Variants in GALNTL6 observed in about 807,000 individuals in gnomAD.
The protein encoded by GALNTL6 is polypeptide N-acetylgalactosaminyltransferase-like 6.
A neutral mutation model predicts 73.7 loss-of-function variants in GALNTL6; 46 were observed. That is an observed-to-expected ratio of 0.62 (90% CI 0.49 to 0.80). The LOEUF is 0.80. Among genes scored for constraint, GALNTL6 ranks in the 30% least tolerant of loss-of-function variants. The pLI, the probability that GALNTL6 is intolerant of heterozygous loss-of-function variation, is 0.00. For missense variants in GALNTL6, 604 were observed against 755.0 expected, an observed-to-expected ratio of 0.80 and a Z score of 2.34; for synonymous variants, 259 against 263.7, an observed-to-expected ratio of 0.98 and a Z score of 0.17.
chr4:172,361,027 C>T (rs1315096676), intron 5 of GALNTL6, among the ~76,000 whole-genome samples: 1 of 152,046 alleles, frequency 6.6e-6, no homozygotes, highest in Non-Finnish European at 1.5e-5. Context: ...AACATACCTC[C>T]TTAGTTTAAT....
intron 7 of GALNTL6, among the ~76,000 whole-genome samples, chr4:172,861,318 CATGTGTGTGTGTGTGTGT>C (rs2111136525): frequency 7.1e-6 from 1 of 140,884 alleles, no homozygotes; most frequent in South Asian, 2.3e-4. Context: ...TTTTTGCTTA[CATGTGTGTGTGTGTGTGT>C]GTGTGTGTGT....
At chr4:172,564,194 T>C (rs1736479783) in intron 5 of GALNTL6, among the ~76,000 whole-genome samples, 1 of 152,202 alleles carries the variant, frequency 6.6e-6, no homozygotes, top group African/African-American at 2.4e-5. Context: ...TGGTAATCTA[T>C]ACAAGTAATT....
intron 2 of GALNTL6, 134 bp downstream of exon 2, chr4:171,814,852 C>T (rs1028076686): frequency 3.7e-6 from 3 of 819,588 alleles, no homozygotes; most frequent in Non-Finnish European, 5.7e-6. Flanking sequence ...TTACAAGACT[C>T]TAGAGACTTT....
intron 5 of GALNTL6, among the ~76,000 whole-genome samples, chr4:172,371,684 CCT>C (rs907751459): frequency 2.0e-5 from 3 of 150,396 alleles, no homozygotes; most frequent in Admixed American, 6.6e-5. Flanking sequence ...TCTGTCTCTT[CCT>C]CTCTCTCTCT....
chr4:171,908,037 A>G (rs1578961219), intron 2 of GALNTL6, among the ~76,000 whole-genome samples: 2 of 152,110 alleles, frequency 1.3e-5, no homozygotes, highest in Admixed American at 6.6e-5. Context: ...AAAACCATAA[A>G]AACCCTAGAA....
At chr4:171,918,161 T>A (rs1280690932) in intron 2 of GALNTL6, among the ~76,000 whole-genome samples, 3 of 152,126 alleles carry the variant, frequency 2.0e-5, no homozygotes, top group African/African-American at 4.8e-5. Flanking sequence ...CTTGTTTCTT[T>A]AAGTTTCAAC....
chr4:172,870,424 G>A (rs1744866001), intron 7 of GALNTL6, among the ~76,000 whole-genome samples: 1 of 152,092 alleles, frequency 6.6e-6, no homozygotes, highest in Non-Finnish European at 1.5e-5. Flanking sequence ...TTTGTTACCG[G>A]TGAGTTTAAA....
rs200404299 is a variant in GALNTL6, at chr4:172,325,850, T to C, written c.386+14098T>C. Among the ~76,000 whole-genome samples the C allele has an allele frequency of 8.0e-4, 121 of 151,814 alleles. 2 individuals carry two copies. In the South Asian group the frequency reaches 0.016, roughly 20 times the overall value. Reference sequence around the variant, plus strand: ...CAAAGAAAGCAGAAAAGGGGAACTATTTGGGGGAATAAAAAAAGAAAACTA... The same window carrying C: ...CAAAGAAAGCAGAAAAGGGGAACTACTTGGGGGAATAAAAAAAGAAAACTA... On this transcript the variant is annotated intron_variant, in intron 4 of 12. Coordinates refer to ENST00000506823, the MANE Select transcript of GALNTL6 (RefSeq NM_001034845.3).
intron 5 of GALNTL6, among the ~76,000 whole-genome samples, chr4:172,638,411 C>T (rs1739795223): frequency 1.3e-5 from 2 of 152,178 alleles, no homozygotes; most frequent in South Asian, 2.1e-4. Flanking sequence ...TGGGGTGGGG[C>T]AGGGGAGCTA....
At chr4:172,033,915 C>G (rs1179916082) in intron 2 of GALNTL6, among the ~76,000 whole-genome samples, 1 of 152,080 alleles carries the variant, frequency 6.6e-6, no homozygotes, top group African/African-American at 2.4e-5. Flanking sequence ...TGTGTATATC[C>G]TAATAACACT....
chr4:172,202,152 A>G (rs1005600178), intron 2 of GALNTL6, among the ~76,000 whole-genome samples: 1 of 152,216 alleles, frequency 6.6e-6, no homozygotes, highest in African/African-American at 2.4e-5. Flanking sequence ...CTATACTCAC[A>G]GTTCCTCAAA....
chr4:173,021,648 C>A (rs770054586), intron 12 of GALNTL6, 23 bp downstream of exon 12: 57 of 1,610,256 alleles, frequency 3.5e-5, no homozygotes, highest in Non-Finnish European at 4.3e-5. Context: ...CCACTGTGGT[C>A]ATTCTCAAAT....
chr4:171,951,420 T>C (rs1738873670), intron 2 of GALNTL6, among the ~76,000 whole-genome samples: 1 of 152,034 alleles, frequency 6.6e-6, no homozygotes, highest in Non-Finnish European at 1.5e-5. Flanking sequence ...ACCTTTTACT[T>C]AACTGCAAGG....
intron 2 of GALNTL6, among the ~76,000 whole-genome samples, chr4:172,050,008 GA>G (rs10716022): frequency 0.78 from 118,376 of 151,210 alleles, 46,962 homozygotes; most frequent in Non-Finnish European, 0.85. Context: ...GAAGGAAAAA[GA>G]AAAAAAAAAT....
intron 2 of GALNTL6, among the ~76,000 whole-genome samples, chr4:171,816,666 T>C (rs1734534426): frequency 6.6e-6 from 1 of 152,032 alleles, no homozygotes; most frequent in African/African-American, 2.4e-5. Context: ...ATAATGGTTT[T>C]AAAACTAATA....
At chr4:173,008,098 A>C (rs184863475) in intron 10 of GALNTL6, among the ~76,000 whole-genome samples, 88 of 152,334 alleles carry the variant, frequency 5.8e-4, no homozygotes, top group Non-Finnish European at 2.1e-4. Context: ...ATCCAAAAGC[A>C]ATGCTAAACT....
intron 5 of GALNTL6, among the ~76,000 whole-genome samples, chr4:172,632,562 C>G (rs1305974616): frequency 6.7e-6 from 1 of 150,158 alleles, no homozygotes. Context: ...TTCTAAGTGG[C>G]AAAATATTCA....
chr4:172,327,357 G>C (rs1435338633), intron 4 of GALNTL6, among the ~76,000 whole-genome samples: 1 of 152,072 alleles, frequency 6.6e-6, no homozygotes, highest in Admixed American at 6.6e-5. Context: ...GTGCAGCTTA[G>C]AAAAATGTAT....
At chr4:172,487,556 C>CTTTGTATT in intron 5 of GALNTL6, among the ~76,000 whole-genome samples, 1 of 151,428 alleles carries the variant, frequency 6.6e-6, no homozygotes, top group East Asian at 2.0e-4. Flanking sequence ...CTAGCTAATT[C>CTTTGTATT]TTTGTATTTT....
Sources: allele counts gnomAD v4.1 joint callset (sites outside exome capture counted in the v4.1 genomes callset), GRCh38; gene constraint gnomAD v4.1.1; transcripts MANE v1.5; gene names NCBI Gene and HGNC (gene_info 2026-07-23, HGNC 2026-07-21).